The following ZNF606 variants were observed in gnomAD, a reference collection of about 807,000 sequenced individuals.
ZNF606 encodes the protein zinc finger protein 606.
A neutral mutation model predicts 74.9 loss-of-function variants in ZNF606; 37 were observed. That is an observed-to-expected ratio of 0.49 (90% confidence interval 0.38 to 0.65). The LOEUF (loss-of-function observed/expected upper bound fraction) is 0.65. Among genes scored for constraint, ZNF606 ranks in the 30% least tolerant of loss-of-function variants. The pLI is 0.00. For missense variants in ZNF606, 852 were observed against 952.9 expected (o/e 0.89, Z 1.39); for synonymous variants, 328 against 312.4 (o/e 1.05, Z -0.53).
At chr19:58,000,523 G>T in intron 3 of ZNF606, 160 bp downstream of exon 3, 1 of 826,308 alleles carries the variant, frequency 1.2e-6, no homozygotes, top group Non-Finnish European at 2.0e-6. Flanking sequence ...CTGGCCACTA[G>T]TTTTCTGATT....
intron 4 of ZNF606, among the ~76,000 whole-genome samples, chr19:57,992,043 C>T (rs1313115320): frequency 6.6e-6 from 1 of 152,164 alleles, no homozygotes; most frequent in Non-Finnish European, 1.5e-5. Context: ...AGCTGGTAGA[C>T]TAAGCCACAA....
chr19:57,996,461 C>T (rs767831590), intron 4 of ZNF606, among the ~76,000 whole-genome samples: 11 of 152,206 alleles, frequency 7.2e-5, no homozygotes, highest in Non-Finnish European at 1.5e-4. Context: ...GATCGTCCCA[C>T]TGCACTCCAG....
At position 57,979,572 on chromosome 19, in the gene ZNF606, T is replaced by C. The variant is rs779635514; in HGVS notation, c.1108A>G (p.Lys370Glu). The change falls in exon 7 of 7, where the codon AAA becomes GAA. Residue 370 changes from lysine to glutamate, a missense_variant. Physicochemically the swap from Lys to Glu is moderately conservative, Grantham distance 56. This residue lies in a region of ZNF606 where 545 missense variants were observed against 542.5 expected (regional missense o/e 1.00). Coordinates refer to ENST00000551380, the MANE Select transcript of ZNF606 (RefSeq NM_001348022.3). ...MEHQKIGTVEKAYKYNEWEKV... is the reference protein window; with the variant it reads ...MEHQKIGTVEEAYKYNEWEKV... ...TCCCATTCATTGTATTTATACGCTTTCTCTACAGTACCAATTTTTTGATGT... is the reference window on the plus strand; with the variant it reads ...TCCCATTCATTGTATTTATACGCTTCCTCTACAGTACCAATTTTTTGATGT... 3 of 1,612,936 alleles carry C rather than the reference T, an allele frequency of 1.9e-6. No homozygotes were observed. The highest frequency in any genetic ancestry group is 2.7e-5 in the African/African-American group (2 of 74,852).
At chr19:57,985,929 G>A (rs1350193129) in intron 6 of ZNF606, among the ~76,000 whole-genome samples, 43 of 150,300 alleles carry the variant, frequency 2.9e-4, no homozygotes, top group South Asian at 8.5e-4. Context: ...GCAAGAGTCT[G>A]TCTCAATAAA....
rs2073019927 is a variant in ZNF606, at chr19:57,978,298, A to C, written c.*3T>G. Reference sequence around the variant, plus strand: ...GTACAAGAAACGAAAAACTCGCATAAATTCAATTCAGTTTCTCTTCACTGT... The same window carrying C: ...GTACAAGAAACGAAAAACTCGCATACATTCAATTCAGTTTCTCTTCACTGT... On this transcript the variant is annotated 3_prime_UTR_variant, in exon 7 of 7. Coordinates refer to ENST00000551380, the MANE Select transcript of ZNF606 (RefSeq NM_001348022.3). This position sits in a 1 kb window ranked among gnomAD's most constrained non-coding sequence, Gnocchi z 4.4. 1 of 1,550,410 alleles carries C rather than the reference A, an allele frequency of 6.4e-7. No individual in the cohort carries two copies. The highest frequency in any genetic ancestry group is 2.3e-5 in the East Asian group (1 of 44,030).
Position 58,001,298 on chromosome 19 carries a change from C to T in ZNF606, c.22G>A (p.Ala8Thr). The change falls in exon 2 of 7, where the codon GCC becomes ACC. Residue 8 changes from alanine (A) to threonine (T), a missense_variant. Ala to Thr is a moderately conservative substitution (Grantham distance 58). This residue lies in a region of ZNF606 where 545 missense variants were observed against 542.5 expected (regional missense o/e 1.00). Transcript: ENST00000551380. MAAINPWASWGALTDQSW... is the reference protein window; with the variant it reads MAAINPWTSWGALTDQSW... ...CACAACTTGGACTCACCCCAGGAGG[C>T]CCACGGGTTGATGGCTGCCATCCCG... 6.2e-7 allele frequency: 1 copy of T among 1,614,142 alleles called. No homozygotes were observed. Among genetic ancestry groups the T allele is most frequent in the East Asian group, 2.2e-5 (1 of 44,886 alleles).
At chr19:58,001,130 A>T (rs1036377984) in intron 2 of ZNF606, 159 bp downstream of exon 2, 5 of 813,388 alleles carry the variant, frequency 6.1e-6, no homozygotes, top group Non-Finnish European at 9.7e-6. Context: ...CTTTTATGCC[A>T]ACAATTTTCC....
At chr19:57,983,578 CA>C (rs143411161) in intron 6 of ZNF606, among the ~76,000 whole-genome samples, 23,446 of 119,930 alleles carry the variant, frequency 0.2, 1,805 homozygotes, top group African/African-American at 0.25. Flanking sequence ...AACTCCGTCT[CA>C]AAAAAAAAAA....
chr19:57,997,161 CATA>C (rs1185443093), intron 4 of ZNF606, among the ~76,000 whole-genome samples: 1 of 152,292 alleles, frequency 6.6e-6, no homozygotes, highest in African/African-American at 2.4e-5. Context: ...GTTTTATGTA[CATA>C]ATGTTTGTTA....
At position 57,988,703 on chromosome 19, in the gene ZNF606, C is replaced by T; in HGVS notation, c.196G>A (p.Asp66Asn). The T allele has an allele frequency of 6.2e-7, 1 of 1,614,154 alleles. No individual in the cohort carries two copies. ...TCTTGGGTGAAGTCCACGGCCACGTCCTTGAAGGTCACTGGTTCCTAAAAG... is the reference window on the plus strand; with the variant it reads ...TCTTGGGTGAAGTCCACGGCCACGTTCTTGAAGGTCACTGGTTCCTAAAAG... ...AQVQEPVTFKDVAVDFTQEEW... is the reference protein window; with the variant it reads ...AQVQEPVTFKNVAVDFTQEEW... Residue 66 changes from aspartate (D) to asparagine (N), a missense_variant, in exon 5 of 7, where the codon GAC becomes AAC. By Grantham distance (23) the Asp-to-Asn change is conservative. Around this residue, in one of 3 missense-constraint regions of ZNF606, gnomAD observed 545 missense variants for 542.5 expected, o/e 1.00. Transcript: ENST00000551380.
In ZNF606 at chr19:57,978,171, T is replaced by C; in HGVS notation, c.*130A>G. On this transcript the variant is annotated 3_prime_UTR_variant, in exon 7 of 7. Coordinates refer to ENST00000551380, the MANE Select transcript of ZNF606 (RefSeq NM_001348022.3). The surrounding 1 kb of genome is among the most constrained non-coding windows in gnomAD (Gnocchi z 4.4). ...CTTCATGGGGTTTCTTCTAAGATGATATTTTCTAGTAAATAATGTGGGAGA... is the reference window on the plus strand; with the variant it reads ...CTTCATGGGGTTTCTTCTAAGATGACATTTTCTAGTAAATAATGTGGGAGA... 3 of 939,174 alleles carry C rather than the reference T, an allele frequency of 3.2e-6. No individual in the cohort carries two copies. The highest frequency in any genetic ancestry group is 4.6e-6 in the Non-Finnish European group (3 of 656,390). The allele number at this position is 939,174 out of a possible 1,614,324, so 58.2% of individuals were successfully genotyped here. A position where few individuals can be genotyped will look rare whatever the true frequency, so the allele number is the denominator to read the frequency against.
intron 4 of ZNF606, among the ~76,000 whole-genome samples, chr19:57,994,196 A>T (rs1418003199): frequency 6.6e-6 from 1 of 152,158 alleles, no homozygotes; most frequent in Non-Finnish European, 1.5e-5. Flanking sequence ...AGAACAGAAG[A>T]CACAGCAACT....
intron 6 of ZNF606, among the ~76,000 whole-genome samples, chr19:57,983,192 C>T (rs1322869011): frequency 1.3e-5 from 2 of 152,108 alleles, no homozygotes; most frequent in African/African-American, 2.4e-5. Context: ...GTTTCCAGCA[C>T]CAGAGACAAG....
At chr19:57,991,012 C>T (rs935698176) in intron 4 of ZNF606, among the ~76,000 whole-genome samples, 3 of 152,094 alleles carry the variant, frequency 2.0e-5, no homozygotes, top group East Asian at 3.9e-4. Context: ...TGCAGCCTCA[C>T]ACCCCATGTA....
chr19:57,996,687 T>C (rs2073346158), intron 4 of ZNF606, among the ~76,000 whole-genome samples: 2 of 152,150 alleles, frequency 1.3e-5, no homozygotes, highest in South Asian at 2.1e-4. Context: ...GTTTCACTGT[T>C]GCCTGATGCT....
At position 57,979,716 on chromosome 19, in the gene ZNF606, A is replaced by C. The variant is rs1325285606; in HGVS notation, c.964T>G (p.Cys322Gly). 1 of 1,613,354 alleles carries C rather than the reference A, an allele frequency of 6.2e-7. No homozygotes were observed. Reference protein sequence around the residue: ...TGEKLYEYKECHQIFNQSPSF... With the variant: ...TGEKLYEYKEGHQIFNQSPSF... The stretch of plus-strand genomic sequence containing the variant: ...GGGCTCTGGTTAAAGATTTGATGGC[A>C]TTCCTTATATTCATAGAGTTTTTCT... The change falls in exon 7 of 7, where the codon TGC (cysteine) becomes GGC (glycine). Residue 322 changes from cysteine (C) to glycine (G), a missense_variant. Physicochemically the swap from Cys to Gly is radical, Grantham distance 159. Transcript: ENST00000551380.
upstream of ZNF606, chr19:58,003,132 G>A (rs917496320): frequency 2.4e-5 from 10 of 425,030 alleles, no homozygotes; most frequent in African/African-American, 1.8e-4. Context: ...AGCTCGGCGA[G>A]TTCTCAGCGC....
intron 4 of ZNF606, among the ~76,000 whole-genome samples, chr19:57,989,697 T>C (rs938493813): frequency 1.3e-5 from 2 of 151,408 alleles, no homozygotes; most frequent in African/African-American, 4.8e-5. Flanking sequence ...TCCGCCCACC[T>C]TGGCCTCCCA....
chr19:57,979,201 G>C lies in ZNF606; in HGVS notation c.1479C>G (p.Phe493Leu), dbSNP rs2073039118. The C allele has an allele frequency of 6.8e-6, 11 of 1,613,570 alleles. No homozygotes were observed. Among genetic ancestry groups the C allele is most frequent in the African/African-American group, 1.3e-5 (1 of 74,874 alleles). The change falls in exon 7 of 7, where the codon TTC (phenylalanine) becomes TTG (leucine). Residue 493 changes from phenylalanine to leucine, a missense_variant. This residue lies in a region of ZNF606 where 243 missense variants were observed against 359.2 expected (regional missense o/e 0.68). Transcript: ENST00000551380. ...PYVCNECGKS[F>L]NWNSHLIGHQ... is the part of the protein sequence containing the mutation. ...GTCCAATAAGATGAGAGTTCCAGTT[G>C]AAAGATTTCCCACACTCATTACAAA...
Sources: allele counts gnomAD v4.1 joint callset (sites outside exome capture counted in the v4.1 genomes callset), GRCh38; gene constraint gnomAD v4.1.1; regional missense constraint gnomAD v4.1.1; non-coding constraint Gnocchi (gnomAD v3.1); transcripts MANE v1.5; gene names NCBI Gene and HGNC (gene_info 2026-07-23, HGNC 2026-07-21).